CCSER1: variants seen among roughly 807,000 people sequenced by gnomAD.
CCSER1 encodes the protein serine-rich coiled-coil domain-containing protein 1.
Under a neutral mutation model 82.0 loss-of-function variants are expected in CCSER1, and 41 were observed. The ratio of observed to expected loss-of-function variants is 0.50; its 90% CI spans 0.39 to 0.65. CCSER1 has a LOEUF of 0.65. Ranked by LOEUF, CCSER1 falls within the 30% of genes least tolerant of loss-of-function variation. CCSER1 has a pLI of 0.00. For synonymous variants in CCSER1, 414 were observed against 383.9 expected (o/e 1.08, Z -0.92); for missense variants, 1,119 against 1,064.2 (o/e 1.05, Z -0.72).
chr4:91,174,364 T>C (rs754094307), intron 10 of CCSER1, among the ~76,000 whole-genome samples: 2 of 152,272 alleles, frequency 1.3e-5, no homozygotes, highest in African/African-American at 2.4e-5. Context: ...GTGATATAGA[T>C]TTCTTGATGC....
At chr4:90,409,653 C>T (rs1754366453) in intron 4 of CCSER1, among the ~76,000 whole-genome samples, 1 of 152,162 alleles carries the variant, frequency 6.6e-6, no homozygotes, top group Non-Finnish European at 1.5e-5. Context: ...AAAGGAACAA[C>T]TGGTACCAGC....
intron 10 of CCSER1, among the ~76,000 whole-genome samples, chr4:91,269,573 C>T (rs570803291): frequency 2.6e-4 from 40 of 152,282 alleles, no homozygotes; most frequent in Admixed American, 1.6e-3. Context: ...CATTCTACAA[C>T]ATTTACAATG....
At chr4:90,182,710 A>G (rs981375200) in intron 1 of CCSER1, among the ~76,000 whole-genome samples, 1 of 152,176 alleles carries the variant, frequency 6.6e-6, no homozygotes, top group East Asian at 1.9e-4. Flanking sequence ...AGGAAACAAT[A>G]GAAGCTCAGA....
chr4:90,209,562 A>G (rs1739550987), intron 1 of CCSER1, among the ~76,000 whole-genome samples: 1 of 152,110 alleles, frequency 6.6e-6, no homozygotes, highest in Admixed American at 6.5e-5. Flanking sequence ...AAATAATACT[A>G]GATTTCTCAT....
intron 1 of CCSER1, among the ~76,000 whole-genome samples, chr4:90,150,127 A>G (rs959558214): frequency 3.2e-4 from 49 of 152,166 alleles, no homozygotes; most frequent in Non-Finnish European, 6.6e-4. Flanking sequence ...TGAAAAACCC[A>G]CATAATAGCA....
intron 5 of CCSER1, among the ~76,000 whole-genome samples, chr4:90,593,053 T>G (rs1028296523): frequency 6.6e-6 from 1 of 152,180 alleles, no homozygotes; most frequent in Non-Finnish European, 1.5e-5. Flanking sequence ...GATAAAATGA[T>G]CATACTAAAG....
intron 10 of CCSER1, among the ~76,000 whole-genome samples, chr4:91,437,089 GC>G (rs1465376542): frequency 6.6e-6 from 1 of 152,216 alleles, no homozygotes; most frequent in Non-Finnish European, 1.5e-5. Flanking sequence ...AAGAGGCCAT[GC>G]TTAGTGTCCT....
chr4:90,135,808 C>T (rs572816526), intron 1 of CCSER1, among the ~76,000 whole-genome samples: 19 of 152,160 alleles, frequency 1.2e-4, no homozygotes, highest in Non-Finnish European at 2.5e-4. Flanking sequence ...AGTTGAAGTC[C>T]GTCAGTTTCA....
intron 10 of CCSER1, among the ~76,000 whole-genome samples, chr4:91,103,087 G>A (rs1242858967): frequency 1.1e-4 from 16 of 152,042 alleles, no homozygotes; most frequent in African/African-American, 2.7e-4. Context: ...AACCCACAAC[G>A]GAAAAACACT....
chr4:91,229,819 T>C (rs796121653), intron 10 of CCSER1, among the ~76,000 whole-genome samples: 26 of 151,950 alleles, frequency 1.7e-4, no homozygotes, highest in African/African-American at 5.8e-4. Context: ...GAACATCACA[T>C]ACTGGGGCTT....
intron 1 of CCSER1, among the ~76,000 whole-genome samples, chr4:90,160,895 T>A (rs1279592667): frequency 6.6e-6 from 1 of 152,178 alleles, no homozygotes; most frequent in Non-Finnish European, 1.5e-5. Context: ...GCCAAGTGTA[T>A]GTCTAAGTCA....
At chr4:91,509,612 C>T (rs149998476) in intron 10 of CCSER1, among the ~76,000 whole-genome samples, 1,760 of 152,194 alleles carry the variant, frequency 0.012, 10 homozygotes, top group African/African-American at 0.023. Flanking sequence ...TTCACATCTT[C>T]CATGTGTTCA....
intron 7 of CCSER1, among the ~76,000 whole-genome samples, chr4:90,775,273 A>G (rs1458056445): frequency 6.6e-6 from 1 of 152,168 alleles, no homozygotes; most frequent in African/African-American, 2.4e-5. Flanking sequence ...TTAAAATGTC[A>G]AAGTATAATA....
chr4:90,709,833 G>T (rs1307843732), intron 6 of CCSER1, among the ~76,000 whole-genome samples: 2 of 151,864 alleles, frequency 1.3e-5, no homozygotes, highest in African/African-American at 4.8e-5. Flanking sequence ...TTATATTTCT[G>T]CCTCTAGGTC....
At chr4:91,097,449 G>A (rs1724619299) in intron 10 of CCSER1, among the ~76,000 whole-genome samples, 1 of 152,146 alleles carries the variant, frequency 6.6e-6, no homozygotes, top group African/African-American at 2.4e-5. Context: ...CTCTTAAAGT[G>A]ATGAACAGTC....
chr4:90,700,356 T>C (rs1346066495), intron 6 of CCSER1, among the ~76,000 whole-genome samples: 1 of 152,026 alleles, frequency 6.6e-6, no homozygotes, highest in Non-Finnish European at 1.5e-5. Context: ...CCATGGTATA[T>C]ATGTGCCACA....
At chr4:90,528,743 A>G (rs541064731) in intron 5 of CCSER1, among the ~76,000 whole-genome samples, 1 of 152,310 alleles carries the variant, frequency 6.6e-6, no homozygotes, top group African/African-American at 2.4e-5. Context: ...TTATCTGTGC[A>G]TCTAAATGTT....
chr4:90,579,346 C>A (rs537911954), intron 5 of CCSER1, among the ~76,000 whole-genome samples: 2 of 152,102 alleles, frequency 1.3e-5, no homozygotes, highest in South Asian at 4.1e-4. Context: ...ACTAAGTGTT[C>A]TCTAATCTGA....
intron 4 of CCSER1, among the ~76,000 whole-genome samples, chr4:90,409,442 C>T (rs1306817023): frequency 1.3e-5 from 2 of 152,192 alleles, no homozygotes; most frequent in African/African-American, 4.8e-5. Context: ...TCGGCAGAAA[C>T]TCTACAAGCC....
Sources: gnomAD v4.1 joint callset for allele counts (sites outside exome capture counted in the v4.1 genomes callset) on GRCh38, gnomAD v4.1.1 for gene constraint, MANE v1.5 for transcripts, NCBI Gene and HGNC (gene_info 2026-07-23, HGNC 2026-07-21) for gene names.